Variants in XRCC6 observed in about 807,000 individuals in gnomAD.
XRCC6 encodes the protein DNA repair protein Ku70.
XRCC6 carries 5 observed loss-of-function variants against 65.7 expected under a neutral mutation model. The observed-to-expected ratio is 0.08, with a 90% CI of 0.04 to 0.16. XRCC6 has a LOEUF of 0.16. Ranked by LOEUF, XRCC6 falls within the 10% of genes least tolerant of loss-of-function variation. XRCC6 has a pLI of 1.00. For missense variants in XRCC6, 447 were observed against 738.1 expected (o/e 0.61, Z 4.57); for synonymous variants, 270 against 270.6 (o/e 1.00, Z 0.02).
At chr22:41,622,502 T>A (rs2067620020) in intron 2 of XRCC6, among the ~76,000 whole-genome samples, 1 of 152,088 alleles carries the variant, frequency 6.6e-6, no homozygotes, top group Non-Finnish European at 1.5e-5. Context: ...AGTGATTGAT[T>A]CCCTCACTAT....
At chr22:41,628,067 A>G in intron 2 of XRCC6, 51 bp from the exon 3 acceptor site, 2 of 1,310,740 alleles carry the variant, frequency 1.5e-6, no homozygotes, top group South Asian at 2.6e-5. Context: ...TTATATGGTA[A>G]ACAAATACGA....
At chr22:41,640,380 A>G (rs2067863106) in intron 6 of XRCC6, among the ~76,000 whole-genome samples, 1 of 151,628 alleles carries the variant, frequency 6.6e-6, no homozygotes, top group Non-Finnish European at 1.5e-5. Flanking sequence ...TGATCTCCTG[A>G]CCTTGTGATC....
intron 7 of XRCC6, among the ~76,000 whole-genome samples, chr22:41,650,248 G>A (rs1039700239): frequency 2.0e-5 from 3 of 151,930 alleles, no homozygotes; most frequent in African/African-American, 4.8e-5. Flanking sequence ...GGGACCACAG[G>A]TGTGTACCAC....
rs132788 is a variant in XRCC6, at chr22:41,663,764, G to T, written c.1779G>T (p.Gly593=). ...EACRAYGLKS[G]LKKQELLEAL... The stretch of plus-strand genomic sequence containing the variant: ...GCCGGGCTTACGGGCTGAAGAGTGG[G>T]CTGAAGAAGCAGGAGCTGCTGGAAG... The change falls in exon 13 of 13, where the codon GGG becomes GGT. Residue 593 remains glycine (G), a synonymous_variant. Coordinates refer to ENST00000360079, the MANE Select transcript of XRCC6 (RefSeq NM_001469.5). 0.33 allele frequency: 530,408 copies of T among 1,613,588 alleles called. 91,680 individuals are homozygous for T. The highest frequency in any genetic ancestry group is 0.36 in the Non-Finnish European group (426,391 of 1,179,758).
intron 3 of XRCC6, among the ~76,000 whole-genome samples, chr22:41,633,744 TCA>T (rs2067781609): frequency 6.6e-6 from 1 of 152,148 alleles, no homozygotes; most frequent in Admixed American, 6.6e-5. Flanking sequence ...AAGATAGTAC[TCA>T]CAATTCTACC....
intron 6 of XRCC6, among the ~76,000 whole-genome samples, chr22:41,641,853 C>A (rs1449093844): frequency 6.6e-6 from 1 of 152,162 alleles, no homozygotes; most frequent in East Asian, 1.9e-4. Context: ...ACTGCAATGG[C>A]GCGATCTCGG....
chr22:41,650,933 T>C (rs1026622397), intron 8 of XRCC6, 42 bp downstream of exon 8: 6 of 1,609,786 alleles, frequency 3.7e-6, no homozygotes, highest in Non-Finnish European at 5.1e-6. Flanking sequence ...TAACACACAG[T>C]GCAGTTTACG....
chr22:41,631,440 C>G (rs2067748765), intron 3 of XRCC6, among the ~76,000 whole-genome samples: 2 of 150,814 alleles, frequency 1.3e-5, no homozygotes, highest in Non-Finnish European at 3.0e-5. Flanking sequence ...AGGGTCTCCT[C>G]CCTTCTCAGA....
intron 2 of XRCC6, 89 bp from the exon 3 acceptor site, chr22:41,628,029 A>C: frequency 1.2e-6 from 1 of 832,352 alleles, no homozygotes; most frequent in South Asian, 1.8e-5. Flanking sequence ...TTATTAGGTT[A>C]TACTTTCCTT....
chr22:41,628,167 C>T lies in XRCC6; in HGVS notation c.132C>T (p.Ala44=), dbSNP rs1223398404. The part of the protein sequence containing the change: ...GRDSLIFLVD[A]SKAMFESQSE... ...ATAGTTTGATTTTTTTGGTTGATGCCTCCAAGGCTATGTTTGAATCTCAGA... is the reference window on the plus strand; with the variant it reads ...ATAGTTTGATTTTTTTGGTTGATGCTTCCAAGGCTATGTTTGAATCTCAGA... Residue 44 remains alanine (A), a synonymous_variant, in exon 3 of 13, where the codon GCC becomes GCT. Transcript: ENST00000360079. The T allele has an allele frequency of 6.2e-7, 1 of 1,613,894 alleles. No homozygotes were observed. The highest frequency in any genetic ancestry group is 1.3e-5 in the African/African-American group (1 of 74,994).
At chr22:41,659,640 C>CT (rs1178338464) in intron 11 of XRCC6, among the ~76,000 whole-genome samples, 1 of 151,316 alleles carries the variant, frequency 6.6e-6, no homozygotes, top group Non-Finnish European at 1.5e-5. Flanking sequence ...ATGCTCACTA[C>CT]TTTTATTTTT....
intron 3 of XRCC6, among the ~76,000 whole-genome samples, chr22:41,631,163 G>A (rs1461096991): frequency 4.1e-5 from 6 of 147,504 alleles, no homozygotes; most frequent in East Asian, 2.1e-4. Context: ...CCTCCCTCCC[G>A]GACGGGGCGG....
intron 5 of XRCC6, among the ~76,000 whole-genome samples, chr22:41,637,319 A>G (rs1340332245): frequency 1.3e-5 from 2 of 152,120 alleles, no homozygotes; most frequent in Non-Finnish European, 2.9e-5. Flanking sequence ...TCTGGACCTC[A>G]GATGATCCAC....
intron 3 of XRCC6, among the ~76,000 whole-genome samples, chr22:41,633,100 C>G (rs2067773235): frequency 6.6e-6 from 1 of 151,788 alleles, no homozygotes; most frequent in Non-Finnish European, 1.5e-5. Flanking sequence ...GCAGTCCAGC[C>G]TGGGCAATAG....
chr22:41,656,195 G>C (rs1181705703), intron 9 of XRCC6, among the ~76,000 whole-genome samples: 1 of 146,766 alleles, frequency 6.8e-6, no homozygotes, highest in Non-Finnish European at 1.5e-5. Context: ...TCCAGCCTGG[G>C]TGATAGCAAG....
chr22:41,637,350 C>A (rs2067820585), intron 5 of XRCC6, among the ~76,000 whole-genome samples: 1 of 152,104 alleles, frequency 6.6e-6, no homozygotes, highest in Non-Finnish European at 1.5e-5. Context: ...TCCCAAAGTG[C>A]TGGGGATGAC....
intron 6 of XRCC6, 150 bp from the exon 7 acceptor site, chr22:41,646,746 A>G (rs996521504): frequency 1.6e-6 from 1 of 642,668 alleles, no homozygotes; most frequent in Non-Finnish European, 2.6e-6. Flanking sequence ...AGCAAATTCG[A>G]TTGTATTATT....
At chr22:41,651,007 GAA>G (rs1291238672) in intron 8 of XRCC6, 116 bp downstream of exon 8, 1 of 1,364,582 alleles carries the variant, frequency 7.3e-7, no homozygotes, top group African/African-American at 1.4e-5. Flanking sequence ...GGAGTATGTT[GAA>G]AGTGTTTCAA....
At chr22:41,637,542 TGAAA>T in intron 5 of XRCC6, 62 bp from the exon 6 acceptor site, 1 of 1,383,506 alleles carries the variant, frequency 7.2e-7, no homozygotes, top group South Asian at 1.5e-5. Context: ...CAGTTTTAAC[TGAAA>T]GAACTTCTCA....
Sources: gnomAD v4.1 joint callset for allele counts (sites outside exome capture counted in the v4.1 genomes callset) on GRCh38, gnomAD v4.1.1 for gene constraint, MANE v1.5 for transcripts, NCBI Gene and HGNC (gene_info 2026-07-23, HGNC 2026-07-21) for gene names.